The following SPTA1 variants were observed in gnomAD, a reference collection of about 807,000 sequenced individuals.
SPTA1 encodes the protein spectrin alpha, erythrocytic 1.
In SPTA1, 177 loss-of-function variants were observed where a neutral mutation model predicts 324.7. That is an observed-to-expected ratio of 0.55 (90% CI 0.48 to 0.62). The LOEUF is 0.62. SPTA1 is among the 20% of genes least tolerant of loss of function. SPTA1 has a pLI of 0.00. For missense variants in SPTA1, 3,162 were observed against 2,883.6 expected (o/e 1.10, Z -2.21); for synonymous variants, 1,195 against 1,041.3 (o/e 1.15, Z -2.84).
rs957012276 is a variant in SPTA1 at position 158,649,927 on chromosome 1, A to G, written c.3498T>C (p.Gly1166=). The change falls in exon 25 of 52, where the codon GGT becomes GGC. Residue 1166 remains glycine, a synonymous_variant. Coordinates refer to ENST00000643759, the MANE Select transcript of SPTA1 (RefSeq NM_003126.4). ...GTTCATCTGCAAGCCTCTGCAAAGAACCCCAGCGGGAATTCAATTCCTAAA... is the reference window on the plus strand; with the variant it reads ...GTTCATCTGCAAGCCTCTGCAAAGAGCCCCAGCGGGAATTCAATTCCTAAA... ...QIRQELNSRW[G]SLQRLADEQR... is the part of the protein sequence containing the mutation. 38 of 1,613,512 alleles carry G rather than the reference A, an allele frequency of 2.4e-5. No individual in the cohort carries two copies. Among genetic ancestry groups the G allele is most frequent in the Non-Finnish European group, 3.2e-5 (38 of 1,179,786 alleles).
At chr1:158,637,913 T>C in intron 36 of SPTA1, 120 bp downstream of exon 36, 2 of 1,188,762 alleles carry the variant, frequency 1.7e-6, no homozygotes, top group Non-Finnish European at 1.2e-6. Flanking sequence ...GAGGCAAACA[T>C]GAAGTAGTGC....
chr1:158,673,528 C>A (rs1294933050), intron 10 of SPTA1, among the ~76,000 whole-genome samples: 1 of 152,164 alleles, frequency 6.6e-6, no homozygotes, highest in Non-Finnish European at 1.5e-5. Flanking sequence ...TTATTTAATG[C>A]AAATTTGAAA....
intron 10 of SPTA1, among the ~76,000 whole-genome samples, chr1:158,673,687 G>A (rs1054002571): frequency 6.6e-6 from 1 of 152,192 alleles, no homozygotes; most frequent in Non-Finnish European, 1.5e-5. Flanking sequence ...TTACAGTCTA[G>A]AGATGAGCAT....
Position 158,676,215 on chromosome 1 carries a change from T to A in SPTA1, c.1038A>T (p.Glu346Asp), listed in dbSNP as rs768589104. The A allele has an allele frequency of 2.5e-6, 4 of 1,613,704 alleles. No homozygotes were observed. The Admixed American group carries it at 6.7e-5, about 27-fold the overall frequency. ...SDAPQIQEMK[E>D]DLVSSWEHIR... ...TATGCTCCCAGCTGGAGACCAGATC[T>A]TCTTTCATCTCCTGGATCTGAGGTG... Residue 346 changes from glutamate to aspartate, a missense_variant, in exon 8 of 52, where the codon GAA becomes GAT. Physicochemically the swap from Glu to Asp is conservative, Grantham distance 45. Coordinates refer to ENST00000643759, the MANE Select transcript of SPTA1 (RefSeq NM_003126.4).
chr1:158,613,978 A>G, intron 49 of SPTA1, 111 bp from the exon 50 acceptor site: 1 of 1,257,266 alleles, frequency 8.0e-7, no homozygotes, highest in Non-Finnish European at 1.1e-6. Flanking sequence ...GACCTGTCAC[A>G]AAACTATCAG....
chr1:158,637,352 T>G (rs1472088877), intron 36 of SPTA1, among the ~76,000 whole-genome samples: 1 of 152,188 alleles, frequency 6.6e-6, no homozygotes, highest in Admixed American at 6.5e-5. Context: ...TCCCTCTAAT[T>G]TATTGATTAC....
rs769299585 is a variant in SPTA1, at chr1:158,681,645, T to A, written c.413A>T (p.His138Leu). ...CAGCTCTAACAGCAGGTCCCACAGGTGGCGTAGCTCCTCTATATGGGCCTT... is the reference window on the plus strand; with the variant it reads ...CAGCTCTAACAGCAGGTCCCACAGGAGGCGTAGCTCCTCTATATGGGCCTT... Reference protein sequence around the residue: ...ETKAHIEELRHLWDLLLELTL... With the variant: ...ETKAHIEELRLLWDLLLELTL... Residue 138 changes from histidine to leucine, a missense_variant, in exon 4 of 52, where the codon CAC becomes CTC. By Grantham distance (99) the His-to-Leu change is moderately conservative. Coordinates refer to ENST00000643759, the MANE Select transcript of SPTA1 (RefSeq NM_003126.4). The A allele has an allele frequency of 1.2e-6, 2 of 1,613,650 alleles. No homozygotes were observed. Among genetic ancestry groups the A allele is most frequent in the South Asian group, 2.2e-5 (2 of 91,072 alleles).
At chr1:158,679,736 T>C (rs1654661153) in intron 5 of SPTA1, among the ~76,000 whole-genome samples, 2 of 152,118 alleles carry the variant, frequency 1.3e-5, no homozygotes, top group Admixed American at 1.3e-4. Context: ...CACAGAGTCA[T>C]TAACAAGTAA....
At chr1:158,648,246 G>A (rs1310495570) in intron 26 of SPTA1, among the ~76,000 whole-genome samples, 2 of 152,172 alleles carry the variant, frequency 1.3e-5, no homozygotes, top group Admixed American at 6.5e-5. Flanking sequence ...CTGGTCACTT[G>A]TAACCCACCA....
At position 158,667,794 on chromosome 1, in the gene SPTA1, A is replaced by G. The variant is rs956521871; in HGVS notation, c.2038+64T>C. On this transcript the variant is annotated intron_variant, in intron 15 of 51. Coordinates refer to ENST00000643759, the MANE Select transcript of SPTA1 (RefSeq NM_003126.4). ...GCCACCAGATAAATTTACAGTGGTA[A>G]AGATAAAGGTAGTAGATTTCAGAAT... is the stretch of plus-strand genomic sequence containing the variant. 13 of 1,544,622 alleles carry G rather than the reference A, an allele frequency of 8.4e-6. No individual in the cohort carries two copies. In the African/African-American group the frequency reaches 9.6e-5, roughly 11 times the overall value.
At position 158,686,652 on chromosome 1, in the gene SPTA1, A is replaced by G; in HGVS notation, c.-135T>C. ...GTTAAGTATGTGGGGGAAAAAAAAA[A>G]ACCTCTTGCTTGGTCCTAGAATCCC... On this transcript the variant is annotated 5_prime_UTR_variant, in exon 1 of 52. Transcript: ENST00000643759. 1 of 714,256 alleles carries G rather than the reference A, an allele frequency of 1.4e-6. No homozygotes were observed. The highest frequency in any genetic ancestry group is 2.4e-6 in the Non-Finnish European group (1 of 410,502). The allele number at this position is 714,256 out of a possible 1,614,324, so 44.2% of individuals were successfully genotyped here.
At chr1:158,675,037 T>A (rs997796255) in intron 8 of SPTA1, among the ~76,000 whole-genome samples, 1 of 152,158 alleles carries the variant, frequency 6.6e-6, no homozygotes, top group African/African-American at 2.4e-5. Context: ...AATCACCTTA[T>A]GGGAAGGAAG....
At chr1:158,651,886 T>TG (rs1652462723) in intron 23 of SPTA1, among the ~76,000 whole-genome samples, 1 of 131,234 alleles carries the variant, frequency 7.6e-6, no homozygotes, top group African/African-American at 4.1e-5. Context: ...GAGTGCTCTC[T>TG]CTCTCTCTCT....
At chr1:158,661,455 G>A (rs1653208564) in intron 17 of SPTA1, 46 bp from the exon 18 acceptor site, 2 of 1,612,830 alleles carry the variant, frequency 1.2e-6, no homozygotes, top group Non-Finnish European at 1.7e-6. Context: ...CCTGGTGTAT[G>A]GAAGTAGCAT....
At chr1:158,633,250 T>C (rs1467046842) in intron 39 of SPTA1, among the ~76,000 whole-genome samples, 1 of 152,230 alleles carries the variant, frequency 6.6e-6, no homozygotes, top group African/African-American at 2.4e-5. Context: ...AACTGAATCT[T>C]GACAATGTCA....
At chr1:158,674,287 A>G (rs1654246034) in intron 10 of SPTA1, 42 bp downstream of exon 10, 1 of 1,535,484 alleles carries the variant, frequency 6.5e-7, no homozygotes, top group Admixed American at 1.7e-5. Context: ...TAATGACTAC[A>G]TATATAATTG....
At chr1:158,683,788 A>AT (rs35379131) in intron 2 of SPTA1, among the ~76,000 whole-genome samples, 34 of 151,342 alleles carry the variant, frequency 2.2e-4, no homozygotes, top group African/African-American at 2.9e-4. Context: ...GGAATAACTG[A>AT]TTTTTTTTTG....
At chr1:158,645,445 G>C in intron 28 of SPTA1, 50 bp downstream of exon 28, 1 of 1,613,874 alleles carries the variant, frequency 6.2e-7, no homozygotes, top group Non-Finnish European at 8.5e-7. Flanking sequence ...TTTAAAATTA[G>C]TAGAGGTTTC....
chr1:158,650,582 G>T (rs963305892), intron 24 of SPTA1, among the ~76,000 whole-genome samples: 1 of 152,174 alleles, frequency 6.6e-6, no homozygotes, highest in Non-Finnish European at 1.5e-5. Context: ...TCAGCACGTT[G>T]ATCAGAATCT....
Sources: gnomAD v4.1 joint callset for allele counts (sites outside exome capture counted in the v4.1 genomes callset) on GRCh38, gnomAD v4.1.1 for gene constraint, MANE v1.5 for transcripts, NCBI Gene and HGNC (gene_info 2026-07-23, HGNC 2026-07-21) for gene names.